AKAP6: variants seen among roughly 807,000 people sequenced by gnomAD.
AKAP6 encodes A-kinase anchor protein 6.
In AKAP6, 58 loss-of-function variants were observed where a neutral mutation model predicts 188.5. The ratio of observed to expected loss-of-function variants is 0.31; its 90% CI spans 0.25 to 0.38. The LOEUF is 0.38. Ranked by LOEUF, AKAP6 falls within the 10% of genes least tolerant of loss-of-function variation. The probability of loss-of-function intolerance (pLI) is 1.00; values close to 1 mark genes in which losing one functional copy is unlikely to be tolerated. For missense variants in AKAP6, 2,710 were observed against 2,740.0 expected (o/e 0.99, Z 0.24); for synonymous variants, 989 against 998.6 (o/e 0.99, Z 0.18).
chr14:32,455,457 CTTTT>C (rs1194195162), intron 2 of AKAP6, among the ~76,000 whole-genome samples: 2 of 151,844 alleles, frequency 1.3e-5, no homozygotes, highest in Non-Finnish European at 2.9e-5. Context: ...TGTTTTCTTT[CTTTT>C]ATTCATTTAA....
intron 1 of AKAP6, among the ~76,000 whole-genome samples, chr14:32,372,207 T>C (rs1390947967): frequency 1.3e-5 from 2 of 152,186 alleles, no homozygotes; most frequent in African/African-American, 2.4e-5. Flanking sequence ...AGACTTGTTA[T>C]GCAAATCAAA....
intron 9 of AKAP6, among the ~76,000 whole-genome samples, chr14:32,700,108 T>A (rs181016653): frequency 0.011 from 1,663 of 152,242 alleles, 10 homozygotes; most frequent in Admixed American, 0.02. Flanking sequence ...ATAGACTGAG[T>A]GACCTAGAAG....
chr14:32,433,639 A>G lies in AKAP6; in HGVS notation c.146A>G (p.Asp49Gly). Reference sequence around the variant, plus strand: ...GAGGCAATGAAGGACATGGACTCTGACCAGCAGTATGAAAAGCCACCCCCA... The same window carrying G: ...GAGGCAATGAAGGACATGGACTCTGGCCAGCAGTATGAAAAGCCACCCCCA... ...GEEAMKDMDS[D>G]QQYEKPPPLH... Residue 49 changes from aspartate (D) to glycine (G), a missense_variant, in exon 2 of 14, where the codon GAC becomes GGC. Asp to Gly is a moderately conservative substitution (Grantham distance 94, BLOSUM62 -1). This residue lies in a region of AKAP6 where 237 missense variants were observed against 313.9 expected (regional missense o/e 0.76). Coordinates refer to ENST00000280979, the MANE Select transcript of AKAP6 (RefSeq NM_004274.5). The G allele has an allele frequency of 3.1e-6, 5 of 1,614,164 alleles. No homozygotes were observed. The highest frequency in any genetic ancestry group is 4.2e-6 in the Non-Finnish European group (5 of 1,180,020).
At chr14:32,345,589 G>C (rs762311803) in intron 1 of AKAP6, among the ~76,000 whole-genome samples, 1 of 152,168 alleles carries the variant, frequency 6.6e-6, no homozygotes, top group Non-Finnish European at 1.5e-5. Flanking sequence ...AGTCAAAAGC[G>C]GTTCCTAGAG....
At position 32,759,240 on chromosome 14, in the gene AKAP6, T is replaced by G. The variant is rs544504058; in HGVS notation, c.3373-14438T>G. Among the ~76,000 whole-genome samples the G allele has an allele frequency of 4.6e-5, 7 of 152,324 alleles. No homozygotes were observed. The East Asian group carries it at 1.4e-3, about 29-fold the overall frequency. On this transcript the variant is annotated intron_variant, in intron 11 of 13. Coordinates refer to ENST00000280979, the MANE Select transcript of AKAP6 (RefSeq NM_004274.5). The stretch of plus-strand genomic sequence containing the variant: ...TTTCTTTCTTTTTTGAAATTAATAT[T>G]ATTAGGATAAGTGTAATAATAGATT...
intron 4 of AKAP6, among the ~76,000 whole-genome samples, chr14:32,553,301 G>C (rs796087766): frequency 4.2e-4 from 64 of 151,822 alleles, no homozygotes; most frequent in African/African-American, 1.4e-3. Context: ...CTCCCCAGTA[G>C]CTGGGATTAC....
chr14:32,599,327 A>AT, intron 5 of AKAP6, 83 bp from the exon 6 acceptor site: 2 of 1,177,326 alleles, frequency 1.7e-6, no homozygotes, highest in Middle Eastern at 2.0e-4. Context: ...GTGGTTCTTG[A>AT]TAAAAAGTAG....
intron 11 of AKAP6, among the ~76,000 whole-genome samples, chr14:32,749,280 T>C (rs1217443791): frequency 1.3e-5 from 2 of 152,172 alleles, no homozygotes; most frequent in Non-Finnish European, 2.9e-5. Context: ...CCTTTTTCCA[T>C]TGGTAAATTT....
intron 12 of AKAP6, among the ~76,000 whole-genome samples, chr14:32,800,129 C>CACATATATATACACACATATAT (rs1566720749): frequency 2.1e-4 from 29 of 140,540 alleles, no homozygotes; most frequent in African/African-American, 7.9e-4. Context: ...TATATATACA[C>CACATATATATACACACATATAT]ACATATATAT....
chr14:32,467,599 AT>A (rs1158788092), intron 2 of AKAP6, among the ~76,000 whole-genome samples: 1 of 152,038 alleles, frequency 6.6e-6, no homozygotes, highest in African/African-American at 2.4e-5. Flanking sequence ...AGAATCAGGA[AT>A]CCAGTCTGGA....
intron 7 of AKAP6, among the ~76,000 whole-genome samples, chr14:32,614,239 T>C (rs1886464869): frequency 6.6e-6 from 1 of 152,216 alleles, no homozygotes; most frequent in Non-Finnish European, 1.5e-5. Flanking sequence ...TTCAGACCTT[T>C]GGCAAATAGC....
chr14:32,547,080 C>G, intron 4 of AKAP6, 81 bp downstream of exon 4: 2 of 1,279,124 alleles, frequency 1.6e-6, no homozygotes, highest in Admixed American at 2.3e-5. Flanking sequence ...CTCCTACACT[C>G]TATTATAAAA....
rs116167327 is a variant in AKAP6 at position 32,394,998 on chromosome 14, C to A, written c.-34-38462C>A. 5.4e-3 allele frequency among the ~76,000 whole-genome samples: 821 copies of A among 152,116 alleles called. 3 individuals are homozygous for A. Among genetic ancestry groups the A allele is most frequent in the African/African-American group, 0.018 (761 of 41,496 alleles). ...GCCACCTTGGTTTCCTTCTCAGGGG[C>A]CTTGGTTACCACAATTTAGGAGTTA... On this transcript the variant is annotated intron_variant, in intron 1 of 13. Transcript: ENST00000280979.
intron 2 of AKAP6, among the ~76,000 whole-genome samples, chr14:32,518,232 A>G (rs1192107085): frequency 7.9e-5 from 12 of 152,224 alleles, no homozygotes; most frequent in Non-Finnish European, 1.8e-4. Context: ...AAAACCACAA[A>G]GATAGGGAGA....
chr14:32,614,974 T>G (rs547884467), intron 7 of AKAP6, among the ~76,000 whole-genome samples: 9 of 151,452 alleles, frequency 5.9e-5, no homozygotes, highest in South Asian at 2.1e-4. Flanking sequence ...ATCGAGACCA[T>G]CCTGGCCAAC....
chr14:32,745,497 G>GTCTC (rs368703359), intron 11 of AKAP6, among the ~76,000 whole-genome samples: 1 of 54,920 alleles, frequency 1.8e-5, no homozygotes, highest in African/African-American at 6.6e-5. Flanking sequence ...CTCTCTCTCT[G>GTCTC]TCTCTCTCTC....
At chr14:32,760,767 G>A (rs1362691662) in intron 11 of AKAP6, among the ~76,000 whole-genome samples, 1 of 152,166 alleles carries the variant, frequency 6.6e-6, no homozygotes, top group Admixed American at 6.5e-5. Flanking sequence ...AGCTATAAGA[G>A]TGTTTGATGA....
chr14:32,368,361 A>G lies in AKAP6; in HGVS notation c.-35+38953A>G, dbSNP rs114223091. Among the ~76,000 whole-genome samples the G allele has an allele frequency of 5.8e-3, 891 of 152,324 alleles. 10 individuals carry two copies. Among genetic ancestry groups the G allele is most frequent in the African/African-American group, 0.021 (854 of 41,570 alleles). Reference sequence around the variant, plus strand: ...ATTGTACTGGGTGCTGGAAGTATGTATAAGTGTGATCACAGAACAAACAGA... The same window carrying G: ...ATTGTACTGGGTGCTGGAAGTATGTGTAAGTGTGATCACAGAACAAACAGA... On this transcript the variant is annotated intron_variant, in intron 1 of 13. Coordinates refer to ENST00000280979, the MANE Select transcript of AKAP6 (RefSeq NM_004274.5).
At chr14:32,505,917 C>A (rs1880848898) in intron 2 of AKAP6, among the ~76,000 whole-genome samples, 1 of 151,902 alleles carries the variant, frequency 6.6e-6, no homozygotes, top group Non-Finnish European at 1.5e-5. Context: ...AAAAAACAGG[C>A]AAAAATTATT....
Sources: gnomAD v4.1 joint callset for allele counts (sites outside exome capture counted in the v4.1 genomes callset) on GRCh38, gnomAD v4.1.1 for gene constraint, gnomAD v4.1.1 regional missense constraint, MANE v1.5 for transcripts, NCBI Gene and HGNC (gene_info 2026-07-23, HGNC 2026-07-21) for gene names.